SLC5A1: variants seen among roughly 807,000 people sequenced by gnomAD.
The protein encoded by SLC5A1 is solute carrier family 5 member 1.
A neutral mutation model predicts 73.5 loss-of-function variants in SLC5A1; 42 were observed. The ratio of observed to expected loss-of-function variants is 0.57; its 90% CI spans 0.45 to 0.74. The LOEUF is 0.74. Among genes scored for constraint, SLC5A1 ranks in the 30% least tolerant of loss-of-function variants. The pLI, the probability that SLC5A1 is intolerant of heterozygous loss-of-function variation, is 0.00. For missense variants in SLC5A1, 634 were observed against 855.4 expected (o/e 0.74, Z 3.23); for synonymous variants, 300 against 317.4 (o/e 0.95, Z 0.58).
chr22:32,052,029 T>C (rs1330518189), intron 2 of SLC5A1, among the ~76,000 whole-genome samples: 1 of 152,238 alleles, frequency 6.6e-6, no homozygotes, highest in Non-Finnish European at 1.5e-5. Flanking sequence ...ATTGAAGGAC[T>C]GTCATATCAC....
intron 2 of SLC5A1, among the ~76,000 whole-genome samples, chr22:32,060,194 TATATA>T (rs1569302368): frequency 3.4e-5 from 5 of 148,264 alleles, no homozygotes; most frequent in African/African-American, 7.4e-5. Context: ...CACATATATA[TATATA>T]TTTTTTTAAG....
At chr22:32,105,418 T>TGAGTAGCTG (rs1163938203) in intron 14 of SLC5A1, among the ~76,000 whole-genome samples, 1 of 151,626 alleles carries the variant, frequency 6.6e-6, no homozygotes, top group Non-Finnish European at 1.5e-5. Context: ...CTCAGCCTCC[T>TGAGTAGCTG]GAGTAGCTGG....
rs1327044079 is a variant in SLC5A1, at chr22:32,083,070, T to C, written c.584-4T>C. The C allele has an allele frequency of 5.6e-6, 9 of 1,614,066 alleles. No individual in the cohort carries two copies. In the South Asian group the frequency reaches 7.7e-5, roughly 14 times the overall value. ...TCAGATGTGTTGTCTTCTTGCCTGCTTAGGGGGCCTGGCGGCGGTGATTTA... is the reference window on the plus strand; with the variant it reads ...TCAGATGTGTTGTCTTCTTGCCTGCCTAGGGGGCCTGGCGGCGGTGATTTA... On this transcript the variant is annotated splice_polypyrimidine_tract_variant and splice_region_variant and intron_variant, in intron 6 of 14. Coordinates refer to ENST00000266088, the MANE Select transcript of SLC5A1 (RefSeq NM_000343.4).
intron 10 of SLC5A1, among the ~76,000 whole-genome samples, chr22:32,090,955 A>T (rs758504249): frequency 2.6e-5 from 4 of 152,082 alleles, no homozygotes; most frequent in Non-Finnish European, 5.9e-5. Flanking sequence ...GTACAAAGTT[A>T]TTATCCCACT....
intron 11 of SLC5A1, among the ~76,000 whole-genome samples, chr22:32,097,321 T>A (rs2094027890): frequency 6.6e-6 from 1 of 152,038 alleles, no homozygotes; most frequent in African/African-American, 2.4e-5. Flanking sequence ...CTGAGCTAAG[T>A]CCATAATGGT....
intron 10 of SLC5A1, among the ~76,000 whole-genome samples, chr22:32,089,641 T>C (rs959238269): frequency 6.6e-6 from 1 of 152,320 alleles, no homozygotes; most frequent in East Asian, 1.9e-4. Flanking sequence ...CTACATTTGA[T>C]GCTATAGAGA....
chr22:32,070,890 G>C (rs1406091401), intron 5 of SLC5A1, among the ~76,000 whole-genome samples: 1 of 152,002 alleles, frequency 6.6e-6, no homozygotes, highest in East Asian at 1.9e-4. Flanking sequence ...GAAAAGAAAA[G>C]AAAAGAAAAG....
chr22:32,046,693 T>C (rs141304284), intron 1 of SLC5A1, among the ~76,000 whole-genome samples: 1 of 152,348 alleles, frequency 6.6e-6, no homozygotes, highest in East Asian at 1.9e-4. Flanking sequence ...GTTTCTTAAG[T>C]TGTTCCTCAT....
intron 2 of SLC5A1, among the ~76,000 whole-genome samples, chr22:32,064,487 C>A (rs1037728807): frequency 6.6e-6 from 1 of 151,190 alleles, no homozygotes; most frequent in Non-Finnish European, 1.5e-5. Flanking sequence ...AGGAATAAAA[C>A]CCTGTCTTAG....
intron 11 of SLC5A1, among the ~76,000 whole-genome samples, chr22:32,097,704 T>C (rs1354329211): frequency 6.6e-6 from 1 of 152,222 alleles, no homozygotes; most frequent in Non-Finnish European, 1.5e-5. Flanking sequence ...TTTTACTATT[T>C]ATTAAGTGCC....
intron 13 of SLC5A1, among the ~76,000 whole-genome samples, chr22:32,103,165 C>T (rs981801738): frequency 3.9e-5 from 6 of 152,202 alleles, no homozygotes; most frequent in Non-Finnish European, 8.8e-5. Context: ...TTCATTGTGG[C>T]TGTGATAATT....
intron 7 of SLC5A1, 69 bp from the exon 8 acceptor site, chr22:32,084,370 C>T (rs1212046830): frequency 7.2e-6 from 10 of 1,390,830 alleles, no homozygotes; most frequent in Admixed American, 7.2e-5. Context: ...TCTCAGGCAT[C>T]TATGGAAAGA....
Position 32,084,938 on chromosome 22 carries a change from T to C in SLC5A1, c.924T>C (p.Ser308=). Reference sequence around the variant, plus strand: ...GCTGCCTCTCAGCCAAGAATATGTCTCACGTGAAGGGTGGCTGCATCCTGT... The same window carrying C: ...GCTGCCTCTCAGCCAAGAATATGTCCCACGTGAAGGGTGGCTGCATCCTGT... ...VQRCLSAKNM[S]HVKGGCILCG... is the part of the protein sequence containing the mutation. Residue 308 remains serine (S), a synonymous_variant, in exon 9 of 15, where the codon TCT becomes TCC. Transcript: ENST00000266088. The C allele has an allele frequency of 6.2e-7, 1 of 1,614,190 alleles. No homozygotes were observed. The highest frequency in any genetic ancestry group is 1.1e-5 in the South Asian group (1 of 91,080).
intron 11 of SLC5A1, among the ~76,000 whole-genome samples, chr22:32,094,970 G>C (rs2094023942): frequency 6.6e-6 from 1 of 151,868 alleles, no homozygotes; most frequent in South Asian, 2.1e-4. Context: ...TTTTGATGTA[G>C]GCATTTAGGG....
intron 1 of SLC5A1, among the ~76,000 whole-genome samples, chr22:32,049,128 T>A (rs1398427748): frequency 7.0e-6 from 1 of 143,858 alleles, no homozygotes; most frequent in Non-Finnish European, 1.5e-5. Flanking sequence ...TATATATATA[T>A]AATCATTATA....
At chr22:32,050,308 G>A (rs927732032) in intron 2 of SLC5A1, among the ~76,000 whole-genome samples, 2 of 152,154 alleles carry the variant, frequency 1.3e-5, no homozygotes, top group African/African-American at 2.4e-5. Context: ...CAAATGCGCT[G>A]GCCCAAGGAA....
intron 6 of SLC5A1, 49 bp downstream of exon 6, chr22:32,082,020 G>C (rs1224687924): frequency 5.2e-6 from 6 of 1,164,372 alleles, no homozygotes; most frequent in Non-Finnish European, 7.8e-6. Context: ...TCGGGATCAG[G>C]CACTAGTGAA....
intron 10 of SLC5A1, among the ~76,000 whole-genome samples, chr22:32,088,671 A>C (rs1179603937): frequency 6.6e-6 from 1 of 152,122 alleles, no homozygotes; most frequent in East Asian, 1.9e-4. Context: ...CCTGTGCTAG[A>C]CTAAATAGAT....
intron 2 of SLC5A1, among the ~76,000 whole-genome samples, chr22:32,065,460 T>C (rs889686224): frequency 6.6e-6 from 1 of 152,186 alleles, no homozygotes; most frequent in Admixed American, 6.5e-5. Flanking sequence ...AGAAAGTCCA[T>C]AGAGTCACCT....
Sources: allele counts gnomAD v4.1 joint callset (sites outside exome capture counted in the v4.1 genomes callset), GRCh38; gene constraint gnomAD v4.1.1; transcripts MANE v1.5; gene names NCBI Gene and HGNC (gene_info 2026-07-23, HGNC 2026-07-21).